ADCY7: variants seen among roughly 807,000 people sequenced by gnomAD.
The protein encoded by ADCY7 is adenylate cyclase type 7.
Under a neutral mutation model 120.6 loss-of-function variants are expected in ADCY7, and 72 were observed. The observed-to-expected ratio is 0.60, with a 90% confidence interval of 0.49 to 0.73. The LOEUF (loss-of-function observed/expected upper bound fraction) is 0.73, where lower values mean the gene tolerates loss of function less well. ADCY7 is among the 30% of genes least tolerant of loss of function. ADCY7 has a pLI of 0.00. For missense variants in ADCY7, 1,227 were observed against 1,486.0 expected, an observed-to-expected ratio of 0.83 and a Z score of 2.87; for synonymous variants, 661 against 628.0, an observed-to-expected ratio of 1.05 and a Z score of -0.78.
intron 1 of ADCY7, among the ~76,000 whole-genome samples, chr16:50,260,023 C>T (rs1198039642): frequency 6.6e-6 from 1 of 152,188 alleles, no homozygotes; most frequent in African/African-American, 2.4e-5. Context: ...GCTGTGCTGC[C>T]TCTGCGAGTC....
chr16:50,309,312 C>A (rs2036291430), intron 17 of ADCY7: 3 of 500,810 alleles, frequency 6.0e-6, no homozygotes, highest in Non-Finnish European at 1.1e-5. Flanking sequence ...GCCCCTCCCC[C>A]TGGCTGCTGC....
At chr16:50,285,690 C>T (rs929969097) in intron 1 of ADCY7, among the ~76,000 whole-genome samples, 3 of 152,116 alleles carry the variant, frequency 2.0e-5, no homozygotes, top group Admixed American at 6.5e-5. Context: ...ACACTGGGGG[C>T]GTGGACTCTT....
At chr16:50,246,497 T>A (rs1427308271) in intron 1 of ADCY7, among the ~76,000 whole-genome samples, 1 of 152,004 alleles carries the variant, frequency 6.6e-6, no homozygotes, top group Non-Finnish European at 1.5e-5. Flanking sequence ...ATAACAAGAC[T>A]GAGACTCGAG....
chr16:50,291,271 G>A (rs1336342383), intron 3 of ADCY7, among the ~76,000 whole-genome samples: 1 of 151,638 alleles, frequency 6.6e-6, no homozygotes, highest in African/African-American at 2.4e-5. Context: ...CATGTGGACT[G>A]AAGGGGAGGG....
chr16:50,292,507 T>G (rs1472520463), intron 4 of ADCY7, 169 bp from the exon 5 acceptor site: 2 of 777,134 alleles, frequency 2.6e-6, no homozygotes. Flanking sequence ...GGAGACTAGC[T>G]CCTGTCTGGG....
At chr16:50,313,901 C>T in intron 22 of ADCY7, 57 bp from the exon 23 acceptor site, 2 of 1,460,232 alleles carry the variant, frequency 1.4e-6, no homozygotes, top group Non-Finnish European at 1.9e-6. Context: ...GAAGCAGGGG[C>T]AGCCTGGCTG....
chr16:50,305,997 G>A (rs938617192), intron 14 of ADCY7, 148 bp downstream of exon 14: 3 of 754,824 alleles, frequency 4.0e-6, no homozygotes, highest in Non-Finnish European at 6.7e-6. Flanking sequence ...TGGGCGGGGG[G>A]CAGGGGCGGG....
At chr16:50,268,367 A>C (rs915235777) in intron 1 of ADCY7, among the ~76,000 whole-genome samples, 8 of 151,960 alleles carry the variant, frequency 5.3e-5, no homozygotes, top group Non-Finnish European at 1.2e-4. Flanking sequence ...GACCTCCCAA[A>C]GTGCTGGGAT....
At chr16:50,262,684 G>A (rs1567530283), upstream of ADCY7, among the ~76,000 whole-genome samples, 1 of 152,090 alleles carries the variant, frequency 6.6e-6, no homozygotes, top group Non-Finnish European at 1.5e-5. Context: ...CCTCCTCCCA[G>A]CCTAGGAACT....
chr16:50,299,081 T>A, intron 8 of ADCY7, 50 bp downstream of exon 8: 1 of 1,546,020 alleles, frequency 6.5e-7, no homozygotes, highest in East Asian at 2.3e-5. Context: ...TGGCGGACCC[T>A]CCTGGGCATG....
In ADCY7 at chr16:50,292,720, C is replaced by T. The variant is rs551340289; in HGVS notation, c.582C>T (p.Gly194=). The T allele has an allele frequency of 5.1e-5, 82 of 1,613,906 alleles. No individual in the cohort carries two copies. The East Asian group carries it at 1.3e-3, about 25-fold the overall frequency. ...TCTTCCTGTGTGGGAACCTGACAGG[C>T]GCCTTCCACAAGCACCAAATGCAGG... is the stretch of plus-strand genomic sequence containing the variant. ...AVIFLCGNLT[G]AFHKHQMQDA... is the part of the protein sequence containing the mutation. Residue 194 remains glycine (G), a synonymous_variant, in exon 5 of 26, where the codon GGC becomes GGT. Transcript: ENST00000673801.
chr16:50,298,679 C>T (rs1055296305), intron 7 of ADCY7, among the ~76,000 whole-genome samples: 1 of 152,214 alleles, frequency 6.6e-6, no homozygotes, highest in African/African-American at 2.4e-5. Context: ...CTTAGGAACA[C>T]TCGTGTTCAC....
At chr16:50,287,468 G>T (rs1345610476) in intron 1 of ADCY7, among the ~76,000 whole-genome samples, 2 of 151,732 alleles carry the variant, frequency 1.3e-5, no homozygotes, top group African/African-American at 4.8e-5. Flanking sequence ...CAGGAGGATT[G>T]CTTGAGCCCA....
chr16:50,296,665 A>T (rs1176228645), intron 7 of ADCY7, among the ~76,000 whole-genome samples: 1 of 152,040 alleles, frequency 6.6e-6, no homozygotes, highest in Non-Finnish European at 1.5e-5. Context: ...CAGAATTTGT[A>T]AGAGCCCCGC....
chr16:50,301,144 G>A lies in ADCY7; in HGVS notation c.1298G>A (p.Gly433Glu). The change falls in exon 10 of 26, where the codon GGG becomes GAG. Residue 433 changes from glycine (G) to glutamate (E), a missense_variant. Physicochemically the swap from Gly to Glu is moderately conservative, Grantham distance 98. Around this residue, in one of 5 missense-constraint regions of ADCY7, gnomAD observed 332 missense variants for 455.8 expected, o/e 0.73. Transcript: ENST00000673801. ...GACAAGGCGTACGAGGTGGAGGATGGGCACGGGCAGCAGCGGGACCCCTAC... is the reference window on the plus strand; with the variant it reads ...GACAAGGCGTACGAGGTGGAGGATGAGCACGGGCAGCAGCGGGACCCCTAC... ...HLDKAYEVED[G>E]HGQQRDPYLK... 1 of 1,613,888 alleles carries A rather than the reference G, an allele frequency of 6.2e-7. No individual in the cohort carries two copies. Among genetic ancestry groups the A allele is most frequent in the Non-Finnish European group, 8.5e-7 (1 of 1,179,892 alleles).
At chr16:50,289,050 T>A (rs958672711) in intron 2 of ADCY7, among the ~76,000 whole-genome samples, 6 of 152,228 alleles carry the variant, frequency 3.9e-5, no homozygotes, top group Admixed American at 3.9e-4. Flanking sequence ...TTTTTCTCCA[T>A]GATGAAATTC....
intron 21 of ADCY7, 105 bp from the exon 22 acceptor site, chr16:50,312,785 G>C: frequency 9.0e-7 from 1 of 1,112,378 alleles, no homozygotes; most frequent in Non-Finnish European, 1.2e-6. Context: ...CTCCCCGAAA[G>C]CTGGGCTGGG....
chr16:50,306,040 C>T (rs1047841061), intron 14 of ADCY7, among the ~76,000 whole-genome samples, 191 bp downstream of exon 14: 2 of 152,192 alleles, frequency 1.3e-5, no homozygotes, highest in African/African-American at 2.4e-5. Flanking sequence ...TCTCTCCTGT[C>T]GGCTTCATTC....
intron 1 of ADCY7, among the ~76,000 whole-genome samples, chr16:50,280,453 T>C (rs1475518496): frequency 6.6e-6 from 1 of 152,166 alleles, no homozygotes; most frequent in African/African-American, 2.4e-5. Flanking sequence ...AGTTCAGCTC[T>C]GATTTTTGTC....
Sources: allele counts gnomAD v4.1 joint callset (sites outside exome capture counted in the v4.1 genomes callset), GRCh38; gene constraint gnomAD v4.1.1; regional missense constraint gnomAD v4.1.1; transcripts MANE v1.5; gene names NCBI Gene and HGNC (gene_info 2026-07-23, HGNC 2026-07-21).